The following NICOL1 variants were observed in gnomAD, a reference collection of about 807,000 sequenced individuals.
NICOL1 encodes the protein NELL2-interacting cell ontogeny regulator 1.
the NICOL1 span, chr4:2,042,615 T>C: frequency 5.9e-5 from 32 of 541,128 alleles, no homozygotes; most frequent in Non-Finnish European, 9.7e-5. Flanking sequence ...TCGCGGGAGA[T>C]GGTGGCTTGG....
chr4:2,037,643 A>G, the NICOL1 span, among the ~76,000 whole-genome samples: 2 of 152,222 alleles, frequency 1.3e-5, no homozygotes, highest in Non-Finnish European at 2.9e-5. Context: ...ATCTAGGTGA[A>G]TTGTTAAAAA....
chr4:2,042,740 C>T, the NICOL1 span: 18 of 1,513,784 alleles, frequency 1.2e-5, no homozygotes, highest in Admixed American at 4.1e-5. Flanking sequence ...CCGCAGGCCG[C>T]CCATGCGTGG....
At chr4:2,038,970 A>G in the NICOL1 span, among the ~76,000 whole-genome samples, 1 of 152,224 alleles carries the variant, frequency 6.6e-6, no homozygotes, top group African/African-American at 2.4e-5. Context: ...ATATCAACAT[A>G]CAGTTTTGGT....
At chr4:2,043,379 G>A in the NICOL1 span, among the ~76,000 whole-genome samples, 32 of 152,252 alleles carry the variant, frequency 2.1e-4, 1 homozygote, top group East Asian at 6.0e-3. Context: ...CTTCTTCCTG[G>A]AAAGGGAGAA....
chr4:2,036,772 T>A, the NICOL1 span, among the ~76,000 whole-genome samples: 3 of 151,972 alleles, frequency 2.0e-5, no homozygotes, highest in Non-Finnish European at 4.4e-5. Context: ...GGCTGGTTGA[T>A]GAGAACCCGG....
At chr4:2,043,169 G>A in the NICOL1 span, among the ~76,000 whole-genome samples, 2 of 152,162 alleles carry the variant, frequency 1.3e-5, no homozygotes, top group African/African-American at 4.8e-5. Context: ...CTAGGTGGGC[G>A]GCAAGGCCCC....
chr4:2,040,456 G>A, the NICOL1 span, among the ~76,000 whole-genome samples: 1 of 152,118 alleles, frequency 6.6e-6, no homozygotes, highest in African/African-American at 2.4e-5. Context: ...CGGGCGCAGC[G>A]TGGGACCGAA....
At chr4:2,037,725 A>G in the NICOL1 span, among the ~76,000 whole-genome samples, 1 of 152,246 alleles carries the variant, frequency 6.6e-6, no homozygotes, top group Non-Finnish European at 1.5e-5. Context: ...TCTTAAAGTT[A>G]TGTTATGATA....
chr4:2,039,142 G>A, the NICOL1 span, among the ~76,000 whole-genome samples: 3 of 152,256 alleles, frequency 2.0e-5, no homozygotes, highest in Non-Finnish European at 4.4e-5. Flanking sequence ...GGCTGAACTC[G>A]GTGGCTCATG....
the NICOL1 span, among the ~76,000 whole-genome samples, chr4:2,039,333 G>A: frequency 6.6e-6 from 1 of 151,682 alleles, no homozygotes; most frequent in African/African-American, 2.4e-5. Context: ...AGAATCGCTT[G>A]AACCCAGGAG....
the NICOL1 span, among the ~76,000 whole-genome samples, chr4:2,039,859 T>C: frequency 6.6e-6 from 1 of 152,164 alleles, no homozygotes; most frequent in Admixed American, 6.6e-5. Context: ...GTTAAACTTC[T>C]AATTAATATA....
At chr4:2,043,726 T>C in the NICOL1 span, 1 of 649,900 alleles carries the variant, frequency 1.5e-6, no homozygotes, top group Non-Finnish European at 2.6e-6. Context: ...GCTCTGGGTG[T>C]GGGGGTTAGA....
At chr4:2,042,216 G>A in the NICOL1 span, 3 of 1,383,220 alleles carry the variant, frequency 2.2e-6, no homozygotes, top group Non-Finnish European at 2.8e-6. Context: ...GTGGGTCCAG[G>A]GCTCCCAGGC....
At chr4:2,042,845 G>C in the NICOL1 span, 2 of 1,462,818 alleles carry the variant, frequency 1.4e-6, no homozygotes, top group Non-Finnish European at 1.8e-6. Flanking sequence ...GCGGCGCGAC[G>C]GTCCTCCCGG....
At chr4:2,041,600 G>C in the NICOL1 span, 1 of 187,140 alleles carries the variant, frequency 5.3e-6, no homozygotes, top group Non-Finnish European at 1.1e-5. Context: ...AGCTCTCTCC[G>C]GGCGGTGCGA....
chr4:2,041,840 C>T, the NICOL1 span: 1 of 775,196 alleles, frequency 1.3e-6, no homozygotes, highest in African/African-American at 1.9e-5. Context: ...CGCCATGGGC[C>T]TGGACGCTGC....
chr4:2,041,361 G>C, the NICOL1 span, among the ~76,000 whole-genome samples: 1 of 152,222 alleles, frequency 6.6e-6, no homozygotes. Context: ...TGAGTTCACG[G>C]GACTGAAATC....
the NICOL1 span, chr4:2,042,001 G>A: frequency 1.5e-5 from 22 of 1,469,652 alleles, no homozygotes; most frequent in East Asian, 2.9e-5. Flanking sequence ...GCGCATGCGC[G>A]TTGCGCGCCG....
chr4:2,038,237 G>GTGTGTGTGTATATATA, the NICOL1 span, among the ~76,000 whole-genome samples: 1 of 91,454 alleles, frequency 1.1e-5, no homozygotes, highest in African/African-American at 3.6e-5. Context: ...TGATCAGTGT[G>GTGTGTGTGTATATATA]TATATATATA....
Sources: gnomAD v4.1 joint callset for allele counts (sites outside exome capture counted in the v4.1 genomes callset) on GRCh38, gnomAD v4.1.1 for gene constraint, MANE v1.5 for transcripts, NCBI Gene and HGNC (gene_info 2026-07-23, HGNC 2026-07-21) for gene names.